The following P2RX1 variants were observed in gnomAD, a reference collection of about 807,000 sequenced individuals.
P2RX1 encodes the protein P2X purinoceptor 1.
A neutral mutation model predicts 50.3 loss-of-function variants in P2RX1; 42 were observed. The observed-to-expected ratio is 0.83, with a 90% CI of 0.65 to 1.08. P2RX1 has a LOEUF of 1.08. P2RX1 is among the 50% of genes least tolerant of loss of function. P2RX1 has a pLI of 0.00. For synonymous variants in P2RX1, 199 were observed against 202.6 expected, an observed-to-expected ratio of 0.98 and a Z score of 0.15; for missense variants, 449 against 529.0, an observed-to-expected ratio of 0.85 and a Z score of 1.48.
intron 3 of P2RX1, 192 bp downstream of exon 3, chr17:3,904,666 G>C: frequency 1.6e-6 from 1 of 634,692 alleles, no homozygotes; most frequent in Non-Finnish European, 2.8e-6. Flanking sequence ...CTGGTACACC[G>C]TGTGCTGGGC....
chr17:3,905,234 C>T lies in P2RX1; in HGVS notation c.271G>A (p.Val91Ile), dbSNP rs762227785. 5.6e-5 allele frequency: 91 copies of T among 1,613,128 alleles called. No homozygotes were observed. In the East Asian group the frequency reaches 9.1e-4, roughly 16 times the overall value. The change falls in exon 2 of 12, where the codon GTC (valine) becomes ATC (isoleucine). Residue 91 changes from valine to isoleucine, a missense_variant. By Grantham distance (29) the Val-to-Ile change is conservative. Coordinates refer to ENST00000225538, the MANE Select transcript of P2RX1 (RefSeq NM_002558.4). ...GPQVWDVADY[V>I]FPAQGDNSFV... ...AGCCAGCTCACCTGGGCTGGGAAGA[C>T]GTAGTCAGCCACATCCCAGACCTGG...
intron 1 of P2RX1, chr17:3,915,535 C>T (rs377368571): frequency 1.1e-5 from 5 of 456,548 alleles, no homozygotes; most frequent in African/African-American, 4.0e-5. Flanking sequence ...GGACCAGAAC[C>T]AATCTCTGTC....
intron 7 of P2RX1, 62 bp from the exon 8 acceptor site, chr17:3,899,823 G>T (rs535969448): frequency 6.3e-7 from 1 of 1,592,966 alleles, no homozygotes; most frequent in Non-Finnish European, 8.6e-7. Context: ...TGTCTCAGCC[G>T]GGCGCAGTGG....
chr17:3,916,097 G>A lies in P2RX1; in HGVS notation c.129C>T (p.Tyr43=), dbSNP rs201504847. 2.2e-5 allele frequency: 35 copies of A among 1,613,480 alleles called. No homozygotes were observed. Among genetic ancestry groups the A allele is most frequent in the Admixed American group, 1.2e-4 (7 of 60,028 alleles). ...FRLIQLVVLV[Y]VIGWVFLYEK... is the part of the protein sequence containing the mutation. ...GAGGCGCCCGGACTCACCCGATGAC[G>A]TAGACCAGGACCACCAGCTGGATCA... Residue 43 remains tyrosine, a synonymous_variant, in exon 1 of 12, where the codon TAC becomes TAT. Transcript: ENST00000225538.
intron 1 of P2RX1, among the ~76,000 whole-genome samples, chr17:3,910,404 C>T (rs1041262383): frequency 6.6e-6 from 1 of 152,248 alleles, no homozygotes; most frequent in Non-Finnish European, 1.5e-5. Flanking sequence ...GTGCTGTCCT[C>T]ACCCTATCAC....
Position 3,897,877 on chromosome 17 carries a change from A to G in P2RX1, c.1137T>C (p.Ala379=), listed in dbSNP as rs536185503. Reference sequence around the variant, plus strand: ...AGCTGGTAGCTGCGAGGTCACGCTCAGCCTGTGTACGTGGTGCAAGGGTTG... The same window carrying G: ...AGCTGGTAGCTGCGAGGTCACGCTCGGCCTGTGTACGTGGTGCAAGGGTTG... ...KYAEDMGPGA[A]ERDLAATSST... Residue 379 remains alanine, a splice_region_variant and synonymous_variant, in exon 12 of 12, where the codon GCT becomes GCC. Coordinates refer to ENST00000225538, the MANE Select transcript of P2RX1 (RefSeq NM_002558.4). 5.0e-6 allele frequency: 8 copies of G among 1,613,994 alleles called. No homozygotes were observed. The South Asian group carries it at 8.8e-5, about 18-fold the overall frequency.
At position 3,914,650 on chromosome 17, in the gene P2RX1, G is replaced by C. The variant is rs1229498762; in HGVS notation, c.137+1439C>G. Among the ~76,000 whole-genome samples, 1 of 152,176 alleles carries C rather than the reference G, an allele frequency of 6.6e-6. No individual in the cohort carries two copies. The highest frequency in any genetic ancestry group is 1.5e-5 in the Non-Finnish European group (1 of 68,024). ...TAAGGGTGGACTTCCGGCCCGTCCT[G>C]TACCTGGCATCCCACCATCAGTGCC... On this transcript the variant is annotated intron_variant, in intron 1 of 11. Transcript: ENST00000225538. The surrounding 1 kb of genome is among the most constrained non-coding windows in gnomAD (Gnocchi z 4.1).
intron 7 of P2RX1, among the ~76,000 whole-genome samples, chr17:3,901,942 T>C (rs1316542168): frequency 6.6e-6 from 1 of 151,932 alleles, no homozygotes; most frequent in Non-Finnish European, 1.5e-5. Context: ...TCACACCCAC[T>C]GAAGTTAAGA....
chr17:3,915,752 A>G, intron 1 of P2RX1: 1 of 496,308 alleles, frequency 2.0e-6, no homozygotes, highest in Non-Finnish European at 3.9e-6. Flanking sequence ...GCAGGCGGTC[A>G]GAGGTCGAGG....
chr17:3,916,136 G>A lies in P2RX1; in HGVS notation c.90C>T (p.Gly30=), dbSNP rs964265075. The A allele has an allele frequency of 3.1e-6, 5 of 1,613,546 alleles. No individual in the cohort carries two copies. In the East Asian group the frequency reaches 6.7e-5, roughly 22 times the overall value. Reference sequence around the variant, plus strand: ...CCAGCTGGATCAGTCGGAAGATAACGCCCACCTTCTTATTACGCACCAGCA... The same window carrying A: ...CCAGCTGGATCAGTCGGAAGATAACACCCACCTTCTTATTACGCACCAGCA... The part of the protein sequence containing the change: ...RMVLVRNKKV[G]VIFRLIQLVV... The change falls in exon 1 of 12, where the codon GGC becomes GGT. Residue 30 remains glycine, a synonymous_variant. Coordinates refer to ENST00000225538, the MANE Select transcript of P2RX1 (RefSeq NM_002558.4).
intron 9 of P2RX1, 68 bp downstream of exon 9, chr17:3,898,866 T>C (rs2143952189): frequency 8.0e-7 from 1 of 1,251,022 alleles, no homozygotes; most frequent in Non-Finnish European, 1.2e-6. Context: ...TAACTGTAGA[T>C]GCCCAAAGGT....
At chr17:3,899,823 G>A (rs535969448) in intron 7 of P2RX1, 62 bp from the exon 8 acceptor site, 743 of 1,593,086 alleles carry the variant, frequency 4.7e-4, no homozygotes, top group African/African-American at 1.6e-3. Flanking sequence ...TGTCTCAGCC[G>A]GGCGCAGTGG....
In P2RX1 at chr17:3,898,938, C is replaced by T; in HGVS notation, c.962G>A (p.Gly321Asp). The T allele has an allele frequency of 1.9e-6, 3 of 1,612,530 alleles. No individual in the cohort carries two copies. Among genetic ancestry groups the T allele is most frequent in the Middle Eastern group, 1.7e-4 (1 of 6,060 alleles). The change falls in exon 9 of 12, where the codon GGC becomes GAC. Residue 321 changes from glycine to aspartate, a missense_variant. Physicochemically the swap from Gly to Asp is moderately conservative, Grantham distance 94. Coordinates refer to ENST00000225538, the MANE Select transcript of P2RX1 (RefSeq NM_002558.4). Reference protein sequence around the residue: ...FGIRFDILVDGKAGKFDIIPT... With the variant: ...FGIRFDILVDDKAGKFDIIPT... ...ACCCTCACACTGGACACTCACCTTGCCGTCCACCAGGATGTCAAAGCGAAT... is the reference window on the plus strand; with the variant it reads ...ACCCTCACACTGGACACTCACCTTGTCGTCCACCAGGATGTCAAAGCGAAT...
intron 7 of P2RX1, among the ~76,000 whole-genome samples, chr17:3,901,702 C>T (rs1381281224): frequency 1.3e-5 from 2 of 152,224 alleles, no homozygotes; most frequent in Non-Finnish European, 2.9e-5. Context: ...CTTGAACAGG[C>T]AACTGCAAGG....
chr17:3,913,274 C>A (rs2056395356), intron 1 of P2RX1, among the ~76,000 whole-genome samples: 1 of 151,948 alleles, frequency 6.6e-6, no homozygotes, highest in Non-Finnish European at 1.5e-5. Flanking sequence ...TACAGGCGTG[C>A]ACCACCACAC....
chr17:3,905,507 G>A (rs942675612), intron 1 of P2RX1, 140 bp from the exon 2 acceptor site: 1 of 844,584 alleles, frequency 1.2e-6, no homozygotes, highest in Non-Finnish European at 1.8e-6. Flanking sequence ...AGGCAGGACA[G>A]CCTCCCCTGC....
Position 3,903,873 on chromosome 17 carries a change from C to T in P2RX1, c.524+55G>A. 7.1e-7 allele frequency: 1 copy of T among 1,410,392 alleles called. No homozygotes were observed. The highest frequency in any genetic ancestry group is 1.4e-5 in the African/African-American group (1 of 71,012). The allele number at this position is 1,410,392 out of a possible 1,614,324, so 87.4% of individuals were successfully genotyped here. A position where few individuals can be genotyped will look rare whatever the true frequency, so the allele number is the denominator to read the frequency against. On this transcript the variant is annotated intron_variant, in intron 5 of 11. Transcript: ENST00000225538. This position sits in a 1 kb window ranked among gnomAD's most constrained non-coding sequence, Gnocchi z 4.6. ...AAAGATCCTTTCTAGACCTAGGCCC[C>T]CCTCTGTCTGGCCTGGGACCCTGTT...
chr17:3,912,928 A>G (rs2056389666), intron 1 of P2RX1, among the ~76,000 whole-genome samples: 2 of 152,072 alleles, frequency 1.3e-5, no homozygotes, highest in South Asian at 4.1e-4. Flanking sequence ...GTGAGGACTT[A>G]GTTGAGAAGA....
rs776662678 is a variant in P2RX1, at chr17:3,916,424, G to C, written c.-199C>G. On this transcript the variant is annotated 5_prime_UTR_variant, in exon 1 of 12. Transcript: ENST00000225538. Reference sequence around the variant, plus strand: ...CACTTGGGTTGGAGAGAGAATCCCTGGGTGATCAGAGCAGCTCTTGGCCCC... The same window carrying C: ...CACTTGGGTTGGAGAGAGAATCCCTCGGTGATCAGAGCAGCTCTTGGCCCC... The C allele has an allele frequency of 1.3e-3, 799 of 601,738 alleles. 3 individuals carry two copies. Among genetic ancestry groups the C allele is most frequent in the Non-Finnish European group, 2.0e-3 (698 of 340,716 alleles). 37.3% of individuals were successfully genotyped at this position (601,738 alleles called of 1,614,324 possible).
Sources: gnomAD v4.1 joint callset for allele counts (sites outside exome capture counted in the v4.1 genomes callset) on GRCh38, gnomAD v4.1.1 for gene constraint, Gnocchi (gnomAD v3.1) non-coding constraint, MANE v1.5 for transcripts, NCBI Gene and HGNC (gene_info 2026-07-23, HGNC 2026-07-21) for gene names.